ASAP3: variants seen among roughly 807,000 people sequenced by gnomAD.
ASAP3 encodes arf-GAP with SH3 domain, ANK repeat and PH domain-containing protein 3.
In ASAP3, 85 loss-of-function variants were observed where a neutral mutation model predicts 118.2. The observed-to-expected ratio is 0.72, with a 90% CI of 0.60 to 0.86. ASAP3 has a LOEUF of 0.86. ASAP3 is among the 40% of genes least tolerant of loss of function. The pLI is 0.00. For missense variants in ASAP3, 1,026 were observed against 1,175.0 expected (o/e 0.87, Z 1.85); for synonymous variants, 432 against 477.4 (o/e 0.90, Z 1.24).
At chr1:23,462,845 C>T (rs1641640734) in intron 1 of ASAP3, among the ~76,000 whole-genome samples, 1 of 152,198 alleles carries the variant, frequency 6.6e-6, no homozygotes. Context: ...AGACACTTAT[C>T]ATGCAATGTG....
chr1:23,473,974 CTTTTTTTTTT>C (rs10664798), intron 1 of ASAP3, among the ~76,000 whole-genome samples: 16 of 72,108 alleles, frequency 2.2e-4, no homozygotes, highest in African/African-American at 6.1e-4. Flanking sequence ...TAAATCTGCT[CTTTTTTTTTT>C]TTTTTTTTTT....
At chr1:23,448,542 C>G (rs1401310476) in intron 5 of ASAP3, among the ~76,000 whole-genome samples, 2 of 151,986 alleles carry the variant, frequency 1.3e-5, no homozygotes, top group African/African-American at 4.8e-5. Context: ...ATCCTCCTGC[C>G]TCAGCCTCCC....
intron 3 of ASAP3, among the ~76,000 whole-genome samples, chr1:23,455,652 G>A (rs1641358322): frequency 6.6e-6 from 1 of 152,162 alleles, no homozygotes. Context: ...CTGCTCCTGG[G>A]TGAAGAGAAG....
Position 23,484,178 on chromosome 1 carries a change from C to A in ASAP3, c.-45G>T. ...CTGCCGGAGCGGGGCGCGGGGGGCACTGAGCTGCTCCGCGCTGAGCCGGCC... is the reference window on the plus strand; with the variant it reads ...CTGCCGGAGCGGGGCGCGGGGGGCAATGAGCTGCTCCGCGCTGAGCCGGCC... On this transcript the variant is annotated 5_prime_UTR_variant, in exon 1 of 25. Coordinates refer to ENST00000336689, the MANE Select transcript of ASAP3 (RefSeq NM_017707.4). The A allele has an allele frequency of 8.1e-6, 10 of 1,228,462 alleles. No homozygotes were observed. The highest frequency in any genetic ancestry group is 7.4e-5 in the South Asian group (2 of 26,968). 76.1% of individuals were successfully genotyped at this position (1,228,462 alleles called of 1,614,324 possible). A position where few individuals can be genotyped will look rare whatever the true frequency, so the allele number is the denominator to read the frequency against.
rs531998652 is a variant in ASAP3 at position 23,466,103 on chromosome 1, G to T, written c.130-9909C>A. ...GTCCTACTGAAAAGAAAACGGATTT[G>T]TTCAGGCTGGCCTCAGAGAGGATTC... On this transcript the variant is annotated intron_variant, in intron 1 of 24. Transcript: ENST00000336689. Among the ~76,000 whole-genome samples, 492 of 152,312 alleles carry T rather than the reference G, an allele frequency of 3.2e-3. 6 individuals are homozygous for T. The highest frequency in any genetic ancestry group is 0.011 in the African/African-American group (439 of 41,560).
Position 23,440,631 on chromosome 1 carries a change from C to T in ASAP3, c.944+471G>A, listed in dbSNP as rs373013251. On this transcript the variant is annotated intron_variant, in intron 10 of 24. Coordinates refer to ENST00000336689, the MANE Select transcript of ASAP3 (RefSeq NM_017707.4). ...CAGCACTTTGGGAGGCTGAGGCGGG[C>T]GGATCACAAGGTCAGGAGATCGAGA... is the stretch of plus-strand genomic sequence containing the variant. Among the ~76,000 whole-genome samples, 552 of 146,720 alleles carry T rather than the reference C, an allele frequency of 3.8e-3. 2 individuals are homozygous for T. The highest frequency in any genetic ancestry group is 0.012 in the Middle Eastern group (3 of 252).
At chr1:23,466,899 G>A (rs1220104853) in intron 1 of ASAP3, among the ~76,000 whole-genome samples, 2 of 151,744 alleles carry the variant, frequency 1.3e-5, no homozygotes, top group Admixed American at 1.3e-4. Context: ...ATGAAATCTC[G>A]CTCTGTAGCC....
At chr1:23,465,605 G>A (rs1045828768) in intron 1 of ASAP3, among the ~76,000 whole-genome samples, 24 of 151,646 alleles carry the variant, frequency 1.6e-4, no homozygotes, top group African/African-American at 4.8e-4. Flanking sequence ...GGGTTCAAGC[G>A]ATCCTCCTGC....
intron 1 of ASAP3, among the ~76,000 whole-genome samples, chr1:23,465,094 T>G (rs2148650672): frequency 6.6e-6 from 1 of 152,378 alleles, no homozygotes; most frequent in Non-Finnish European, 1.5e-5. Flanking sequence ...GGAGATTAAG[T>G]AAATTCTATA....
chr1:23,468,686 G>C (rs61778885), intron 1 of ASAP3, among the ~76,000 whole-genome samples: 2 of 8,646 alleles, frequency 2.3e-4, no homozygotes, highest in Non-Finnish European at 2.0e-3. Flanking sequence ...TCCTTTAGTT[G>C]AGATAGGGTG....
intron 4 of ASAP3, 109 bp downstream of exon 4, chr1:23,452,588 A>G: frequency 8.1e-7 from 1 of 1,227,166 alleles, no homozygotes; most frequent in Non-Finnish European, 1.2e-6. Context: ...TCCCGCTAAG[A>G]CAGCCCCTTC....
Position 23,483,889 on chromosome 1 carries a change from G to A in ASAP3, c.129+116C>T, listed in dbSNP as rs116372222. On this transcript the variant is annotated intron_variant, in intron 1 of 24. Transcript: ENST00000336689. ...CGCTCGGTCCTCCCAGACCTAGGGA[G>A]GGGGCAGGTTTCGGGGCGCGGTGAA... is the stretch of plus-strand genomic sequence containing the variant. 1,998 of 1,082,114 alleles carry A rather than the reference G, an allele frequency of 1.8e-3. 29 individuals are homozygous for A. In the African/African-American group the frequency reaches 0.029, roughly 16 times the overall value. The allele number at this position is 1,082,114 out of a possible 1,614,324, so 67.0% of individuals were successfully genotyped here.
intron 5 of ASAP3, among the ~76,000 whole-genome samples, chr1:23,449,490 A>G (rs1641148326): frequency 6.6e-6 from 1 of 152,196 alleles, no homozygotes; most frequent in South Asian, 2.1e-4. Context: ...AGATGCTATC[A>G]GGGCCCTGGG....
intron 1 of ASAP3, among the ~76,000 whole-genome samples, chr1:23,472,529 G>A (rs908407426): frequency 3.3e-5 from 5 of 152,180 alleles, no homozygotes; most frequent in African/African-American, 4.8e-5. Flanking sequence ...GGGCAGAGCT[G>A]AGGGAAGACC....
At position 23,452,624 on chromosome 1, in the gene ASAP3, C is replaced by G. The variant is rs1641253553; in HGVS notation, c.423+73G>C. The G allele has an allele frequency of 4.6e-6, 7 of 1,513,860 alleles. No individual in the cohort carries two copies. The Admixed American group carries it at 1.2e-4, about 25-fold the overall frequency. The allele number at this position is 1,513,860 out of a possible 1,614,324, so 93.8% of individuals were successfully genotyped here. On this transcript the variant is annotated intron_variant, in intron 4 of 24. Coordinates refer to ENST00000336689, the MANE Select transcript of ASAP3 (RefSeq NM_017707.4). ...ACCTGGCCTCCACCCTCAGTCCAGC[C>G]CTGCCCCCCAACAGTCTCCTGCCCA...
chr1:23,471,231 G>A lies in ASAP3; in HGVS notation c.129+12774C>T, dbSNP rs651224. Among the ~76,000 whole-genome samples the A allele has an allele frequency of 1.0e-3, 157 of 152,290 alleles. 2 individuals carry two copies. The highest frequency in any genetic ancestry group is 3.4e-3 in the Middle Eastern group (1 of 294). On this transcript the variant is annotated intron_variant, in intron 1 of 24. Coordinates refer to ENST00000336689, the MANE Select transcript of ASAP3 (RefSeq NM_017707.4). The stretch of plus-strand genomic sequence containing the variant: ...GCTCATGCTGCTCCCTCTGCCTGGA[G>A]GGCCCTTGCCCCATTCTGTCTAGTA...
At chr1:23,483,234 G>C (rs1280635258) in intron 1 of ASAP3, among the ~76,000 whole-genome samples, 3 of 152,240 alleles carry the variant, frequency 2.0e-5, no homozygotes, top group African/African-American at 7.2e-5. Flanking sequence ...GCATCCTTTG[G>C]ATGGGGAGCT....
chr1:23,441,090 T>A lies in ASAP3; in HGVS notation c.944+12A>T. ...GACATTGGGCAAATTATGTAAGCTC[T>A]GAATCACTTACCCGTCACTTTTCTT... On this transcript the variant is annotated intron_variant, in intron 10 of 24. Coordinates refer to ENST00000336689, the MANE Select transcript of ASAP3 (RefSeq NM_017707.4). 1 of 1,613,218 alleles carries A rather than the reference T, an allele frequency of 6.2e-7. No homozygotes were observed. The highest frequency in any genetic ancestry group is 1.7e-4 in the Middle Eastern group (1 of 6,058).
intron 22 of ASAP3, 65 bp downstream of exon 22, chr1:23,433,012 G>A: frequency 1.3e-6 from 2 of 1,584,118 alleles, no homozygotes; most frequent in South Asian, 2.2e-5. Flanking sequence ...TCAGCTCAGT[G>A]CCCCAGCATA....
Sources: gnomAD v4.1 joint callset for allele counts (sites outside exome capture counted in the v4.1 genomes callset) on GRCh38, gnomAD v4.1.1 for gene constraint, MANE v1.5 for transcripts, NCBI Gene and HGNC (gene_info 2026-07-23, HGNC 2026-07-21) for gene names.